Variants in STK3 observed in about 807,000 individuals in gnomAD.
STK3 encodes serine/threonine-protein kinase 3.
A neutral mutation model predicts 58.0 loss-of-function variants in STK3; 41 were observed. That is an observed-to-expected ratio of 0.71 (90% CI 0.55 to 0.92). The LOEUF (loss-of-function observed/expected upper bound fraction) is 0.92. STK3 is among the 40% of genes least tolerant of loss of function. STK3 has a pLI of 0.00. For synonymous variants in STK3, 170 were observed against 191.0 expected, an observed-to-expected ratio of 0.89 and a Z score of 0.91; for missense variants, 479 against 602.7, an observed-to-expected ratio of 0.79 and a Z score of 2.15.
intron 1 of STK3, among the ~76,000 whole-genome samples, chr8:98,933,483 T>C (rs1462371727): frequency 6.6e-6 from 1 of 152,230 alleles, no homozygotes; most frequent in East Asian, 1.9e-4. Flanking sequence ...CTTTTTCTTT[T>C]TAGCAGAGTG....
intron 7 of STK3, among the ~76,000 whole-genome samples, chr8:98,594,675 A>G (rs991861288): frequency 6.6e-6 from 1 of 152,196 alleles, no homozygotes; most frequent in African/African-American, 2.4e-5. Flanking sequence ...ATTTCAAATG[A>G]ATATTGACAA....
At chr8:98,573,574 A>G (rs988875064) in intron 8 of STK3, among the ~76,000 whole-genome samples, 1 of 152,292 alleles carries the variant, frequency 6.6e-6, no homozygotes, top group Non-Finnish European at 1.5e-5. Context: ...CAGCCAAACC[A>G]TATCATTCTG....
chr8:98,768,772 A>G (rs1418782956), intron 2 of STK3, among the ~76,000 whole-genome samples: 2 of 152,248 alleles, frequency 1.3e-5, no homozygotes, highest in Non-Finnish European at 2.9e-5. Flanking sequence ...TGCCAGTGAG[A>G]AAAACACGTA....
chr8:98,933,792 T>A (rs1587867848), intron 1 of STK3, among the ~76,000 whole-genome samples: 3 of 152,322 alleles, frequency 2.0e-5, no homozygotes, highest in East Asian at 3.9e-4. Flanking sequence ...AGGCCCTTCC[T>A]GCCACCCTCC....
chr8:98,747,020 C>T (rs1238852135), intron 4 of STK3, among the ~76,000 whole-genome samples: 1 of 131,702 alleles, frequency 7.6e-6, no homozygotes, highest in Non-Finnish European at 1.6e-5. Flanking sequence ...CTAGCCTGGG[C>T]AAAAGAGCGA....
intron 3 of STK3, chr8:98,413,548 C>A: frequency 4.6e-6 from 3 of 654,438 alleles, no homozygotes; most frequent in Admixed American, 1.8e-5. Context: ...GTGACATCAT[C>A]TAGGTCAGAG....
At chr8:98,522,227 T>C (rs957053394) in intron 10 of STK3, among the ~76,000 whole-genome samples, 4 of 152,176 alleles carry the variant, frequency 2.6e-5, no homozygotes, top group African/African-American at 9.7e-5. Flanking sequence ...ATTGTGTGTA[T>C]GTGAAAAATC....
chr8:98,598,135 T>C, intron 6 of STK3: 2 of 985,438 alleles, frequency 2.0e-6, no homozygotes, highest in Non-Finnish European at 2.4e-6. Context: ...ATTGTCTAGA[T>C]AAATATTGTT....
At chr8:98,810,002 T>C (rs1294479525) in intron 1 of STK3, among the ~76,000 whole-genome samples, 4 of 152,118 alleles carry the variant, frequency 2.6e-5, no homozygotes, top group South Asian at 2.1e-4. Context: ...CTTCCAACCA[T>C]GGTGGAAGGC....
chr8:98,749,381 A>C lies in STK3; in HGVS notation c.246T>G (p.Val82=). ...TAAAATAACTGCCATAGTACTTTAC[A>C]ACATATGGGCTAAAGGAAAATACAT... ...SIMQQCDSPY[V]VKYYGSYFKN... Residue 82 remains valine, a synonymous_variant, in exon 4 of 11, where the codon GTT becomes GTG. Transcript: ENST00000419617. The C allele has an allele frequency of 6.4e-7, 1 of 1,562,254 alleles. No individual in the cohort carries two copies. The highest frequency in any genetic ancestry group is 8.7e-7 in the Non-Finnish European group (1 of 1,148,334).
At chr8:98,923,854 T>TGTGTGTGTGCGCGC (rs1491486943) in intron 1 of STK3, among the ~76,000 whole-genome samples, 1 of 113,620 alleles carries the variant, frequency 8.8e-6, no homozygotes, top group African/African-American at 3.4e-5. Context: ...TGTGTGTGTG[T>TGTGTGTGTGCGCGC]GCGCGCGCGC....
At chr8:98,383,662 G>T (rs1817761377) in intron 1 of STK3, among the ~76,000 whole-genome samples, 1 of 152,190 alleles carries the variant, frequency 6.6e-6, no homozygotes, top group African/African-American at 2.4e-5. Flanking sequence ...AAGTCACTGG[G>T]TCAGATATAG....
At chr8:98,727,915 C>T (rs961064503) in intron 4 of STK3, among the ~76,000 whole-genome samples, 4 of 152,282 alleles carry the variant, frequency 2.6e-5, no homozygotes, top group African/African-American at 9.6e-5. Context: ...AAACCCTTTA[C>T]AGAAAAATCA....
chr8:98,743,783 T>G (rs1000458212), intron 4 of STK3, among the ~76,000 whole-genome samples: 2 of 151,530 alleles, frequency 1.3e-5, no homozygotes, highest in African/African-American at 4.9e-5. Context: ...GAAACTACCA[T>G]CAGAGTGAAC....
At chr8:98,836,159 C>T (rs1297437452) in intron 3 of STK3, among the ~76,000 whole-genome samples, 5 of 151,950 alleles carry the variant, frequency 3.3e-5, no homozygotes, top group African/African-American at 1.2e-4. Flanking sequence ...TGAGATCGCA[C>T]TATTGCACTC....
intron 8 of STK3, among the ~76,000 whole-genome samples, chr8:98,573,582 C>G (rs1381786489): frequency 6.6e-6 from 1 of 151,762 alleles, no homozygotes; most frequent in Non-Finnish European, 1.5e-5. Context: ...CCATATCATT[C>G]TGCCCCTGCC....
At chr8:98,828,462 A>AC (rs1835404970), upstream of STK3, among the ~76,000 whole-genome samples, 1 of 150,788 alleles carries the variant, frequency 6.6e-6, no homozygotes, top group African/African-American at 2.4e-5. Flanking sequence ...AAAAAAAAAA[A>AC]AAACAAAAGA....
intron 9 of STK3, among the ~76,000 whole-genome samples, chr8:98,537,608 G>T (rs570889800): frequency 6.6e-6 from 1 of 152,204 alleles, no homozygotes; most frequent in South Asian, 2.1e-4. Context: ...AGCACAAAAA[G>T]AATAATCATA....
intron 8 of STK3, among the ~76,000 whole-genome samples, chr8:98,569,330 C>A (rs1329634717): frequency 6.6e-6 from 1 of 151,844 alleles, no homozygotes; most frequent in African/African-American, 2.4e-5. Flanking sequence ...CAGAAGACAG[C>A]ATCAGGGATA....
Sources: gnomAD v4.1 joint callset for allele counts (sites outside exome capture counted in the v4.1 genomes callset) on GRCh38, gnomAD v4.1.1 for gene constraint, MANE v1.5 for transcripts, NCBI Gene and HGNC (gene_info 2026-07-23, HGNC 2026-07-21) for gene names.